SGCD: variants seen among roughly 807,000 people sequenced by gnomAD.
The protein encoded by SGCD is sarcoglycan delta.
SGCD carries 18 observed loss-of-function variants against 36.6 expected under a neutral mutation model. That is an observed-to-expected ratio of 0.49 (90% CI 0.34 to 0.73). SGCD has a LOEUF of 0.73. Ranked by LOEUF, SGCD falls within the 30% of genes least tolerant of loss-of-function variation. The pLI is 0.01. For synonymous variants in SGCD, 133 were observed against 130.6 expected (o/e 1.02, Z -0.12); for missense variants, 387 against 346.7 (o/e 1.12, Z -0.92).
At chr5:156,609,084 A>C (rs1047204771) in intron 6 of SGCD, among the ~76,000 whole-genome samples, 7 of 151,614 alleles carry the variant, frequency 4.6e-5, no homozygotes, top group Admixed American at 4.6e-4. Flanking sequence ...TGATCCTGTC[A>C]TGATGATGTT....
rs1446117896 is a variant in SGCD, at chr5:156,423,290, TTATAA to T, written c.192+78623_192+78627del. ...TAATATAACATTATATTATATTTTA[TTATAA>T]TATAATATATTTTATTATAATATAA... On this transcript the variant is annotated intron_variant, in intron 3 of 8. Coordinates refer to ENST00000337851, the MANE Select transcript of SGCD (RefSeq NM_000337.6). Among the ~76,000 whole-genome samples the T allele has an allele frequency of 9.7e-5, 10 of 103,010 alleles. No individual in the cohort carries two copies. In the East Asian group the frequency reaches 9.9e-4, roughly 10 times the overall value. The allele number at this position is 103,010 out of a possible 152,430, so 67.6% of individuals were successfully genotyped here.
chr5:155,932,043 A>G (rs972545755), intron 1 of SGCD, among the ~76,000 whole-genome samples: 10 of 152,126 alleles, frequency 6.6e-5, no homozygotes, highest in African/African-American at 2.4e-4. Context: ...CTCCACCCTC[A>G]TGATTCAATC....
intron 3 of SGCD, among the ~76,000 whole-genome samples, chr5:156,260,839 G>A (rs1348119869): frequency 1.3e-5 from 2 of 152,032 alleles, no homozygotes; most frequent in African/African-American, 2.4e-5. Context: ...ATTTTATCAA[G>A]AGGAAATTCT....
chr5:156,298,118 T>C (rs1313903727), intron 3 of SGCD, among the ~76,000 whole-genome samples: 1 of 152,190 alleles, frequency 6.6e-6, no homozygotes, highest in Non-Finnish European at 1.5e-5. Flanking sequence ...GATCTTATTT[T>C]TTTTTATGGT....
chr5:156,587,314 ACTATTTATCTGAATTC>A, intron 4 of SGCD, among the ~76,000 whole-genome samples: 1 of 152,284 alleles, frequency 6.6e-6, no homozygotes, highest in East Asian at 1.9e-4. Context: ...CGTGGTTTTC[ACTATTTATCTGAATTC>A]CCAGATCAGA....
intron 3 of SGCD, among the ~76,000 whole-genome samples, chr5:156,422,113 G>T (rs1773336804): frequency 6.6e-6 from 1 of 151,990 alleles, no homozygotes. Context: ...TTATCATTGG[G>T]CCTCTTTTTC....
intron 2 of SGCD, among the ~76,000 whole-genome samples, chr5:156,122,823 C>T (rs1762075062): frequency 9.4e-6 from 1 of 105,866 alleles, no homozygotes; most frequent in South Asian, 3.3e-4. Flanking sequence ...CTTGCACCAG[C>T]ATGGTAGTAA....
chr5:156,670,409 G>T (rs1753238659), intron 7 of SGCD, among the ~76,000 whole-genome samples: 2 of 152,100 alleles, frequency 1.3e-5, no homozygotes, highest in South Asian at 4.1e-4. Context: ...AAAGTGTGTG[G>T]GGTATATTCT....
At chr5:156,646,254 C>A (rs1440426979) in intron 6 of SGCD, among the ~76,000 whole-genome samples, 1 of 152,178 alleles carries the variant, frequency 6.6e-6, no homozygotes, top group African/African-American at 2.4e-5. Flanking sequence ...ACATCCAAAG[C>A]CTGTCAATCA....
intron 1 of SGCD, among the ~76,000 whole-genome samples, chr5:156,020,467 ATAATT>A (rs1186047968): frequency 6.6e-6 from 1 of 151,980 alleles, no homozygotes; most frequent in African/African-American, 2.4e-5. Flanking sequence ...GGCGCACACT[ATAATT>A]TAATTCATCA....
intron 7 of SGCD, among the ~76,000 whole-genome samples, chr5:156,648,245 T>A (rs1763305449): frequency 7.1e-6 from 1 of 140,178 alleles, no homozygotes; most frequent in Non-Finnish European, 1.5e-5. Context: ...ATAACTGTGA[T>A]GAATTCAGTG....
chr5:156,341,597 A>T (rs1020392045), intron 2 of SGCD, among the ~76,000 whole-genome samples: 15 of 152,188 alleles, frequency 9.9e-5, no homozygotes, highest in Non-Finnish European at 1.8e-4. Flanking sequence ...AATGGCATGT[A>T]ATCCTGTCTA....
chr5:156,487,788 CAAAAAAAAAAA>C (rs56006984), intron 3 of SGCD, among the ~76,000 whole-genome samples: 2,088 of 41,386 alleles, frequency 0.05, 137 homozygotes, highest in Middle Eastern at 0.12. Flanking sequence ...ACTCTGTCAC[CAAAAAAAAAAA>C]AAAAAAAAAA....
the SGCD span, among the ~76,000 whole-genome samples, chr5:155,806,699 T>C: frequency 0.22 from 33,522 of 152,138 alleles, 4,717 homozygotes; most frequent in East Asian, 0.44. Flanking sequence ...ACAGTTTGAG[T>C]ATTCAGGAGT....
intron 3 of SGCD, among the ~76,000 whole-genome samples, chr5:156,129,874 T>C (rs1762269814): frequency 6.6e-6 from 1 of 152,242 alleles, no homozygotes; most frequent in Non-Finnish European, 1.5e-5. Context: ...CAACATTTTC[T>C]TTATCCAATC....
chr5:156,274,396 T>C (rs1016577214), intron 3 of SGCD, among the ~76,000 whole-genome samples: 14 of 152,164 alleles, frequency 9.2e-5, no homozygotes, highest in African/African-American at 3.1e-4. Context: ...CCAACTCTCG[T>C]AGGTGTATCA....
intron 3 of SGCD, among the ~76,000 whole-genome samples, chr5:156,261,934 T>C (rs945406042): frequency 1.3e-5 from 2 of 152,108 alleles, no homozygotes; most frequent in Non-Finnish European, 2.9e-5. Flanking sequence ...AGAAAAATAT[T>C]TGTGGTATAC....
At chr5:156,511,161 CT>C (rs1176293651) in intron 4 of SGCD, among the ~76,000 whole-genome samples, 3 of 152,126 alleles carry the variant, frequency 2.0e-5, no homozygotes, top group East Asian at 3.8e-4. Context: ...GTTTTAATAA[CT>C]TTTTTTCAAA....
intron 7 of SGCD, among the ~76,000 whole-genome samples, chr5:156,733,942 T>C (rs1318137579): frequency 2.0e-5 from 3 of 151,938 alleles, no homozygotes; most frequent in African/African-American, 7.2e-5. Flanking sequence ...TATTCATACA[T>C]GTGTATTTGA....
Sources: gnomAD v4.1 joint callset for allele counts (sites outside exome capture counted in the v4.1 genomes callset) on GRCh38, gnomAD v4.1.1 for gene constraint, MANE v1.5 for transcripts, NCBI Gene and HGNC (gene_info 2026-07-23, HGNC 2026-07-21) for gene names.